The following DNAH11 variants were observed in gnomAD, a reference collection of about 807,000 sequenced individuals.
The protein encoded by DNAH11 is axonemal beta dynein heavy chain 11.
DNAH11 carries 442 observed loss-of-function variants against 526.0 expected under a neutral mutation model. That is an observed-to-expected ratio of 0.84 (90% confidence interval 0.78 to 0.91). The LOEUF is 0.91. Among genes scored for constraint, DNAH11 ranks in the 40% least tolerant of loss-of-function variants. The pLI, the probability that DNAH11 is intolerant of heterozygous loss-of-function variation, is 0.00. For synonymous variants in DNAH11, 2,461 were observed against 1,935.9 expected (o/e 1.27, Z -7.12); for missense variants, 6,989 against 5,448.7 (o/e 1.28, Z -8.90).
chr7:21,639,238 G>C (rs1162726235), intron 28 of DNAH11, among the ~76,000 whole-genome samples, 173 bp downstream of exon 28: 1 of 152,156 alleles, frequency 6.6e-6, no homozygotes, highest in Non-Finnish European at 1.5e-5. Flanking sequence ...GCAAAAGGGA[G>C]TAGGAAGAAT....
chr7:21,655,904 G>A lies in DNAH11; in HGVS notation c.5017G>A (p.Ala1673Thr), dbSNP rs1363669839. 1.9e-6 allele frequency: 3 copies of A among 1,613,274 alleles called. No homozygotes were observed. Among genetic ancestry groups the A allele is most frequent in the South Asian group, 2.2e-5 (2 of 90,978 alleles). ...GTTTGAAGACAATCAGGATGTTTCT[G>A]CACACAGGGCAGTTGGAATGTACAG... ...LQFEDNQDVSAHRAVGMYSKE... is the reference protein window; with the variant it reads ...LQFEDNQDVSTHRAVGMYSKE... Residue 1673 changes from alanine to threonine, a missense_variant, in exon 29 of 82, where the codon GCA becomes ACA. By Grantham distance (58) the Ala-to-Thr change is moderately conservative. Transcript: ENST00000409508.
intron 25 of DNAH11, among the ~76,000 whole-genome samples, chr7:21,628,265 G>A (rs1329822385): frequency 6.6e-6 from 1 of 151,844 alleles, no homozygotes; most frequent in African/African-American, 2.4e-5. Flanking sequence ...CTACCTTCCA[G>A]TTTGAATGCC....
At chr7:21,677,795 C>G (rs893058157) in intron 30 of DNAH11, among the ~76,000 whole-genome samples, 1 of 152,126 alleles carries the variant, frequency 6.6e-6, no homozygotes, top group Admixed American at 6.5e-5. Context: ...GAGGTGATAG[C>G]TCATTGTGGT....
rs149265617 is a variant in DNAH11, at chr7:21,548,738, G to C, written c.495+3589G>C. ...GACTCACTCGTGATGTTTAGGAAGTGGATACAAGTTGAGAGTTCTCCTATG... is the reference window on the plus strand; with the variant it reads ...GACTCACTCGTGATGTTTAGGAAGTCGATACAAGTTGAGAGTTCTCCTATG... On this transcript the variant is annotated intron_variant, in intron 2 of 81. Transcript: ENST00000409508. Among the ~76,000 whole-genome samples, 1,330 of 152,254 alleles carry C rather than the reference G, an allele frequency of 8.7e-3. 20 individuals carry two copies. The highest frequency in any genetic ancestry group is 0.029 in the African/African-American group (1,215 of 41,538).
chr7:21,782,437 C>G, intron 57 of DNAH11, among the ~76,000 whole-genome samples: 1 of 152,168 alleles, frequency 6.6e-6, no homozygotes, highest in East Asian at 1.9e-4. Flanking sequence ...ATTGTCGCAC[C>G]TTAGGGTAAA....
chr7:21,697,009 T>C (rs1252450111), intron 35 of DNAH11, among the ~76,000 whole-genome samples: 1 of 152,164 alleles, frequency 6.6e-6, no homozygotes, highest in East Asian at 1.9e-4. Flanking sequence ...TGAAAAAATA[T>C]GGGGTTAGTT....
intron 14 of DNAH11, among the ~76,000 whole-genome samples, chr7:21,593,332 G>C (rs994432406): frequency 1.3e-5 from 2 of 152,176 alleles, no homozygotes; most frequent in Admixed American, 6.5e-5. Flanking sequence ...TGTGGTGGCA[G>C]AGTGGAAGCT....
intron 2 of DNAH11, among the ~76,000 whole-genome samples, chr7:21,547,582 C>T (rs1782852254): frequency 6.6e-6 from 1 of 152,114 alleles, no homozygotes; most frequent in Non-Finnish European, 1.5e-5. Flanking sequence ...TATACCCTGG[C>T]CCCCTTCCTC....
intron 57 of DNAH11, among the ~76,000 whole-genome samples, chr7:21,783,053 A>G (rs995147643): frequency 1.3e-5 from 2 of 152,230 alleles, no homozygotes; most frequent in Non-Finnish European, 2.9e-5. Context: ...AACAGCATTT[A>G]TAGATTCACT....
intron 28 of DNAH11, among the ~76,000 whole-genome samples, chr7:21,648,105 T>A (rs1787442611): frequency 6.6e-6 from 1 of 152,216 alleles, no homozygotes; most frequent in Non-Finnish European, 1.5e-5. Context: ...GTGCTGTTGA[T>A]TATAATAACT....
In DNAH11 at chr7:21,711,768, G is replaced by A. The variant is rs966845310; in HGVS notation, c.6891G>A (p.Leu2297=). The change falls in exon 42 of 82, where the codon CTG becomes CTA. Residue 2297 remains leucine (L), a synonymous_variant. Transcript: ENST00000409508. The part of the protein sequence containing the change: ...RIALTPFMRL[L]FEIHHLRSAT... ...CACTCACTCCCTTCATGAGGCTTCT[G>A]TTTGAGATACATCACTTAAGGAGCG... 2.5e-6 allele frequency: 4 copies of A among 1,613,874 alleles called. No individual in the cohort carries two copies. The South Asian group carries it at 3.3e-5, about 13-fold the overall frequency.
chr7:21,732,586 A>T (rs549497946), intron 45 of DNAH11, among the ~76,000 whole-genome samples: 1 of 152,202 alleles, frequency 6.6e-6, no homozygotes, highest in African/African-American at 2.4e-5. Flanking sequence ...GGACTTCAAC[A>T]TAGAAATTTG....
Position 21,605,209 on chromosome 7 carries a change from G to A in DNAH11, c.3649-1217G>A, listed in dbSNP as rs377660620. Among the ~76,000 whole-genome samples, 270 of 152,232 alleles carry A rather than the reference G, an allele frequency of 1.8e-3. 1 individual carries two copies. The highest frequency in any genetic ancestry group is 6.1e-3 in the African/African-American group (255 of 41,518). The stretch of plus-strand genomic sequence containing the variant: ...TTCCATAACTGGCAGTTACTGAATC[G>A]TTCATCAAATATTTACTGAGGTTTA... On this transcript the variant is annotated intron_variant, in intron 18 of 81. Transcript: ENST00000409508.
intron 60 of DNAH11, among the ~76,000 whole-genome samples, chr7:21,788,796 C>T (rs1196112669): frequency 1.3e-5 from 2 of 152,180 alleles, no homozygotes; most frequent in African/African-American, 4.8e-5. Flanking sequence ...CTGCACAATG[C>T]AATTTCTAGT....
intron 67 of DNAH11, among the ~76,000 whole-genome samples, chr7:21,853,497 T>C (rs1782719080): frequency 6.6e-6 from 1 of 152,204 alleles, no homozygotes; most frequent in African/African-American, 2.4e-5. Flanking sequence ...CTTCTAATTG[T>C]CTCTTAAAAT....
At chr7:21,899,664 C>A (rs1486157544) in intron 80 of DNAH11, among the ~76,000 whole-genome samples, 1 of 152,032 alleles carries the variant, frequency 6.6e-6, no homozygotes, top group African/African-American at 2.4e-5. Context: ...CAAGAGTAGC[C>A]AAGTGAGGTG....
chr7:21,697,388 C>T (rs559730961), intron 35 of DNAH11, among the ~76,000 whole-genome samples: 1 of 152,274 alleles, frequency 6.6e-6, no homozygotes, highest in African/African-American at 2.4e-5. Context: ...GTGGCTGGCA[C>T]AAGCTCTCAG....
intron 77 of DNAH11, among the ~76,000 whole-genome samples, chr7:21,892,871 G>A (rs1784375888): frequency 2.0e-5 from 3 of 152,046 alleles, no homozygotes; most frequent in Non-Finnish European, 2.9e-5. Context: ...CTCCCCCAGA[G>A]ATAATCAGTA....
chr7:21,614,249 AG>A (rs1188403497), intron 20 of DNAH11, among the ~76,000 whole-genome samples: 4 of 152,240 alleles, frequency 2.6e-5, no homozygotes, highest in African/African-American at 9.6e-5. Flanking sequence ...GGGAGAAAAT[AG>A]AAAGTGGAAA....
Sources: allele counts gnomAD v4.1 joint callset (sites outside exome capture counted in the v4.1 genomes callset), GRCh38; gene constraint gnomAD v4.1.1; transcripts MANE v1.5; gene names NCBI Gene and HGNC (gene_info 2026-07-23, HGNC 2026-07-21).